TMEM14B: variants seen among roughly 807,000 people sequenced by gnomAD.
The protein encoded by TMEM14B is transmembrane protein 14B.
A neutral mutation model predicts 14.8 loss-of-function variants in TMEM14B; 9 were observed. The observed-to-expected ratio is 0.61, with a 90% CI of 0.37 to 1.06. The LOEUF is 1.06. Ranked by LOEUF, TMEM14B falls within the 50% of genes least tolerant of loss-of-function variation. The pLI is 0.01. For synonymous variants in TMEM14B, 40 were observed against 51.3 expected, an observed-to-expected ratio of 0.78 and a Z score of 0.94; for missense variants, 128 against 143.6, an observed-to-expected ratio of 0.89 and a Z score of 0.56.
intron 5 of TMEM14B, chr6:10,755,614 T>G (rs1771774654): frequency 8.1e-7 from 1 of 1,229,432 alleles, no homozygotes; most frequent in African/African-American, 1.5e-5. Context: ...TGAATCCTGT[T>G]TTCTAATTTT....
chr6:10,753,469 A>G (rs1771671502), intron 4 of TMEM14B, among the ~76,000 whole-genome samples: 1 of 151,628 alleles, frequency 6.6e-6, no homozygotes, highest in Non-Finnish European at 1.5e-5. Flanking sequence ...TTATCCTCTC[A>G]TTCTCTTTTG....
At chr6:10,758,731 G>A (rs565881359), downstream of TMEM14B, among the ~76,000 whole-genome samples, 82 of 152,148 alleles carry the variant, frequency 5.4e-4, no homozygotes, top group East Asian at 4.6e-3. Flanking sequence ...CAACAGTTAA[G>A]CTGAGTCTTG....
Position 10,750,006 on chromosome 6 carries a change from G to A in TMEM14B, c.100+308G>A, listed in dbSNP as rs141574619. On this transcript the variant is annotated intron_variant, in intron 3 of 5. Transcript: ENST00000379542. ...GCCATGACCCCCAAGTGCCATCTCT[G>A]GGCTTAAGTAGGAGTCAACCTCTGG... 88 of 427,066 alleles carry A rather than the reference G, an allele frequency of 2.1e-4. 1 individual carries two copies. In the East Asian group the frequency reaches 4.2e-3, roughly 21 times the overall value. 26.5% of individuals were successfully genotyped at this position (427,066 alleles called of 1,614,324 possible). A position where few individuals can be genotyped will look rare whatever the true frequency, so the allele number is the denominator to read the frequency against.
downstream of TMEM14B, among the ~76,000 whole-genome samples, chr6:10,758,026 CCTAA>C (rs1227395525): frequency 6.6e-6 from 1 of 152,022 alleles, no homozygotes; most frequent in Non-Finnish European, 1.5e-5. Flanking sequence ...ACTGATTTAC[CCTAA>C]CTGATACTGG....
At chr6:10,757,406 T>A (rs1390304908), downstream of TMEM14B, among the ~76,000 whole-genome samples, 3 of 152,068 alleles carry the variant, frequency 2.0e-5, no homozygotes, top group Non-Finnish European at 4.4e-5. Flanking sequence ...TGCGATTCTC[T>A]CTCCTTGGCC....
chr6:10,750,171 C>CT lies in TMEM14B; in HGVS notation c.100+474dup, dbSNP rs1259097930. 903 of 166,930 alleles carry CT rather than the reference C, an allele frequency of 5.4e-3. 14 individuals are homozygous for CT. The highest frequency in any genetic ancestry group is 0.021 in the African/African-American group (863 of 40,626). 10.3% of individuals were successfully genotyped at this position (166,930 alleles called of 1,614,324 possible). On this transcript the variant is annotated intron_variant, in intron 3 of 5. Coordinates refer to ENST00000379542, the MANE Select transcript of TMEM14B (RefSeq NM_030969.5). The stretch of plus-strand genomic sequence containing the variant: ...CCAGACTTCTTATTCTCCTGATCTT[C>CT]TATTTTTTTTTTAACTGCCTGGCCC...
chr6:10,748,896 G>C (rs974574582), intron 1 of TMEM14B, among the ~76,000 whole-genome samples: 1 of 152,224 alleles, frequency 6.6e-6, no homozygotes, highest in African/African-American at 2.4e-5. Flanking sequence ...GATAATGTGA[G>C]TGCTTAATGA....
chr6:10,754,844 A>G (rs1341723099), intron 4 of TMEM14B, among the ~76,000 whole-genome samples: 2 of 152,260 alleles, frequency 1.3e-5, no homozygotes, highest in Non-Finnish European at 2.9e-5. Context: ...ATGAGAAACA[A>G]CAGCATTTTG....
At chr6:10,749,466 A>G (rs944379369) in intron 2 of TMEM14B, among the ~76,000 whole-genome samples, 156 bp from the exon 3 acceptor site, 2 of 152,212 alleles carry the variant, frequency 1.3e-5, no homozygotes, top group African/African-American at 2.4e-5. Context: ...TCAGAAAGTC[A>G]TCCAACCTCT....
intron 4 of TMEM14B, among the ~76,000 whole-genome samples, chr6:10,752,044 G>A (rs539211221): frequency 2.0e-4 from 31 of 152,110 alleles, no homozygotes; most frequent in South Asian, 4.1e-4. Context: ...AGCTGGGGTG[G>A]GGAAGGGAGG....
rs868589285 is a variant in TMEM14B at position 10,749,560 on chromosome 6, T to C, written c.24-62T>C. The stretch of plus-strand genomic sequence containing the variant: ...ACCTTTTAGCCCCATCCTATGACAA[T>C]ATGGTTTGTTTTTAAATCCAGGTTA... On this transcript the variant is annotated intron_variant, in intron 2 of 5. Coordinates refer to ENST00000379542, the MANE Select transcript of TMEM14B (RefSeq NM_030969.5). The C allele has an allele frequency of 6.4e-5, 101 of 1,569,426 alleles. 3 individuals are homozygous for C. The South Asian group carries it at 1.0e-3, about 16-fold the overall frequency.
At chr6:10,753,427 C>T (rs186667546) in intron 4 of TMEM14B, among the ~76,000 whole-genome samples, 60 of 152,134 alleles carry the variant, frequency 3.9e-4, no homozygotes, top group Non-Finnish European at 7.6e-4. Context: ...GCACGGTTGA[C>T]CAATCATTTT....
rs187883005 is a variant in TMEM14B, at chr6:10,748,693, C to G, written c.-44-509C>G. Among the ~76,000 whole-genome samples the G allele has an allele frequency of 2.6e-5, 4 of 152,058 alleles. No individual in the cohort carries two copies. The South Asian group carries it at 8.3e-4, about 32-fold the overall frequency. ...CACATGTGATTCTGACTTGAGTTTC[C>G]GTGTATTTTACCCTCCCCTTCTGCC... On this transcript the variant is annotated intron_variant, in intron 1 of 5. Transcript: ENST00000379542.
chr6:10,754,435 C>T (rs772453177), intron 4 of TMEM14B, among the ~76,000 whole-genome samples: 24 of 152,188 alleles, frequency 1.6e-4, no homozygotes, highest in Non-Finnish European at 2.9e-4. Flanking sequence ...ACCACAGGGC[C>T]TCTGCATATA....
chr6:10,758,882 T>A (rs1207614909), downstream of TMEM14B: 1 of 191,648 alleles, frequency 5.2e-6, no homozygotes, highest in Non-Finnish European at 1.1e-5. Context: ...CATAACTGGG[T>A]TCAACCCTTT....
chr6:10,758,257 T>C (rs1771871872), downstream of TMEM14B, among the ~76,000 whole-genome samples: 1 of 152,162 alleles, frequency 6.6e-6, no homozygotes, highest in African/African-American at 2.4e-5. Context: ...TTTTTTCATG[T>C]GTCATGGAGT....
chr6:10,752,805 G>C (rs116734564), intron 4 of TMEM14B: 2,687 of 152,266 alleles, frequency 0.018, 28 homozygotes, highest in Middle Eastern at 0.044. Flanking sequence ...TACAGCACCT[G>C]GTGTTTCCCC....
At chr6:10,758,985 C>A, downstream of TMEM14B, 1 of 164,586 alleles carries the variant, frequency 6.1e-6, no homozygotes, top group Non-Finnish European at 1.2e-5. Flanking sequence ...ATGGTGCGAT[C>A]TCAGCTCATT....
intron 3 of TMEM14B, chr6:10,750,173 A>ATTT: frequency 6.3e-6 from 1 of 158,784 alleles, no homozygotes; most frequent in Admixed American, 6.0e-5. Context: ...CTGATCTTCT[A>ATTT]TTTTTTTTTT....
Sources: gnomAD v4.1 joint callset for allele counts (sites outside exome capture counted in the v4.1 genomes callset) on GRCh38, gnomAD v4.1.1 for gene constraint, MANE v1.5 for transcripts, NCBI Gene and HGNC (gene_info 2026-07-23, HGNC 2026-07-21) for gene names.